The following CTNNA3 variants were observed in gnomAD, a reference collection of about 807,000 sequenced individuals.
The protein encoded by CTNNA3 is catenin alpha-3.
A neutral mutation model predicts 95.7 loss-of-function variants in CTNNA3; 76 were observed. The ratio of observed to expected loss-of-function variants is 0.79; its 90% CI spans 0.66 to 0.96. The LOEUF is 0.96. Ranked by LOEUF, CTNNA3 falls within the 40% of genes least tolerant of loss-of-function variation. The probability of loss-of-function intolerance (pLI) is 0.00; values close to 1 mark genes in which losing one functional copy is unlikely to be tolerated. For missense variants in CTNNA3, 1,191 were observed against 1,089.8 expected, an observed-to-expected ratio of 1.09 and a Z score of -1.31; for synonymous variants, 431 against 374.4, an observed-to-expected ratio of 1.15 and a Z score of -1.74.
chr10:66,546,250 T>C (rs1340387147), intron 10 of CTNNA3, among the ~76,000 whole-genome samples: 1 of 152,148 alleles, frequency 6.6e-6, no homozygotes, highest in Non-Finnish European at 1.5e-5. Flanking sequence ...CCACATGGAA[T>C]TGGTTTACAT....
chr10:66,642,311 C>A (rs1479699675), intron 9 of CTNNA3, among the ~76,000 whole-genome samples: 2 of 147,312 alleles, frequency 1.4e-5, no homozygotes, highest in Non-Finnish European at 3.0e-5. Context: ...CACACAAAAC[C>A]TGATATCAAA....
chr10:66,814,392 G>T (rs905039212), intron 7 of CTNNA3, among the ~76,000 whole-genome samples: 1 of 152,046 alleles, frequency 6.6e-6, no homozygotes, highest in Non-Finnish European at 1.5e-5. Flanking sequence ...TCATTTAGGG[G>T]TCAAGCCTAT....
chr10:66,985,172 A>T (rs1850659017), intron 7 of CTNNA3, among the ~76,000 whole-genome samples: 1 of 152,176 alleles, frequency 6.6e-6, no homozygotes, highest in African/African-American at 2.4e-5. Context: ...TACCACCTTT[A>T]TCAGTCATGG....
chr10:67,456,162 T>C (rs1393715087), intron 5 of CTNNA3, among the ~76,000 whole-genome samples: 1 of 152,124 alleles, frequency 6.6e-6, no homozygotes, highest in Admixed American at 6.6e-5. Context: ...CCTAAACTAA[T>C]CCAGATTTTT....
intron 13 of CTNNA3, among the ~76,000 whole-genome samples, chr10:66,231,502 T>A (rs1378350777): frequency 6.6e-6 from 1 of 151,960 alleles, no homozygotes; most frequent in Non-Finnish European, 1.5e-5. Context: ...AATATGGAGG[T>A]TTAAGATTGT....
chr10:67,073,919 A>G (rs1856595281), intron 7 of CTNNA3, among the ~76,000 whole-genome samples: 1 of 152,358 alleles, frequency 6.6e-6, no homozygotes, highest in African/African-American at 2.4e-5. Context: ...CTTTTGACCA[A>G]TAACAAAATG....
chr10:67,132,674 G>T (rs1189513944), intron 7 of CTNNA3, among the ~76,000 whole-genome samples: 3 of 151,960 alleles, frequency 2.0e-5, no homozygotes, highest in Non-Finnish European at 4.4e-5. Flanking sequence ...CAACCTAAGT[G>T]TCCATCAACA....
At chr10:66,025,748 A>G (rs1402331608) in intron 15 of CTNNA3, among the ~76,000 whole-genome samples, 1 of 152,204 alleles carries the variant, frequency 6.6e-6, no homozygotes, top group Non-Finnish European at 1.5e-5. Context: ...AATGAGATAT[A>G]TCAAGCCCTA....
chr10:66,840,463 C>T (rs7918698), intron 7 of CTNNA3, among the ~76,000 whole-genome samples: 54,051 of 149,826 alleles, frequency 0.36, 10,680 homozygotes, highest in Non-Finnish European at 0.46. Flanking sequence ...ACACCCTTTG[C>T]AAACCTGTAT....
intron 1 of CTNNA3, among the ~76,000 whole-genome samples, chr10:67,671,962 T>A (rs1436596095): frequency 6.6e-6 from 1 of 152,032 alleles, no homozygotes; most frequent in East Asian, 2.0e-4. Flanking sequence ...TTGAACTAGT[T>A]TACAGTCCCA....
In CTNNA3 at chr10:66,619,416, G is replaced by A. The variant is rs867250646; in HGVS notation, c.1374+2276C>T. Among the ~76,000 whole-genome samples the A allele has an allele frequency of 2.6e-3, 336 of 127,838 alleles. 28 individuals carry two copies. The highest frequency in any genetic ancestry group is 8.5e-3 in the African/African-American group (322 of 38,060). 83.9% of individuals were successfully genotyped at this position (127,838 alleles called of 152,430 possible). ...ATGAGTTCATGTCCTTTGTAGGGAC[G>A]TGGATGAAGCTGGAAACCATCATTC... On this transcript the variant is annotated intron_variant, in intron 10 of 17. Coordinates refer to ENST00000433211, the MANE Select transcript of CTNNA3 (RefSeq NM_013266.4).
chr10:66,992,985 T>C (rs1466622905), intron 7 of CTNNA3, among the ~76,000 whole-genome samples: 1 of 152,156 alleles, frequency 6.6e-6, no homozygotes, highest in Non-Finnish European at 1.5e-5. Context: ...CAGTTATTTA[T>C]TGCTGCAAAA....
At chr10:66,948,533 T>C (rs10762121) in intron 7 of CTNNA3, among the ~76,000 whole-genome samples, 112,712 of 152,044 alleles carry the variant, frequency 0.74, 42,474 homozygotes, top group South Asian at 0.83. Context: ...AAGATCTACT[T>C]GGGAAGATTT....
At chr10:66,262,279 C>T (rs778797595) in intron 13 of CTNNA3, among the ~76,000 whole-genome samples, 37 of 152,020 alleles carry the variant, frequency 2.4e-4, no homozygotes, top group Non-Finnish European at 3.8e-4. Flanking sequence ...TATGATGCAA[C>T]TTTTACAGCA....
chr10:66,574,327 AT>A (rs1842946076), intron 10 of CTNNA3, among the ~76,000 whole-genome samples: 1 of 152,144 alleles, frequency 6.6e-6, no homozygotes, highest in African/African-American at 2.4e-5. Context: ...TTGTTCAATT[AT>A]CACCGAAAAA....
intron 1 of CTNNA3, among the ~76,000 whole-genome samples, chr10:67,709,632 A>G (rs930134289): frequency 6.8e-6 from 1 of 147,836 alleles, no homozygotes; most frequent in Admixed American, 6.8e-5. Flanking sequence ...TCCATATCTG[A>G]TCTCCCTTGA....
chr10:67,110,814 T>G (rs1414631572), intron 7 of CTNNA3, among the ~76,000 whole-genome samples: 21 of 152,128 alleles, frequency 1.4e-4, no homozygotes, highest in Admixed American at 1.4e-3. Context: ...AAATATCTGT[T>G]ATAATTTTTA....
intron 7 of CTNNA3, among the ~76,000 whole-genome samples, chr10:66,937,487 T>C (rs1256603467): frequency 6.6e-6 from 1 of 152,192 alleles, no homozygotes; most frequent in Non-Finnish European, 1.5e-5. Flanking sequence ...AGTACCACAA[T>C]GCGCTTTGAA....
intron 1 of CTNNA3, among the ~76,000 whole-genome samples, chr10:67,714,675 C>T (rs1841132246): frequency 6.6e-6 from 1 of 152,158 alleles, no homozygotes; most frequent in Non-Finnish European, 1.5e-5. Flanking sequence ...AATGTGAGGA[C>T]ATGAGGTTTG....
Sources: allele counts gnomAD v4.1 joint callset (sites outside exome capture counted in the v4.1 genomes callset), GRCh38; gene constraint gnomAD v4.1.1; transcripts MANE v1.5; gene names NCBI Gene and HGNC (gene_info 2026-07-23, HGNC 2026-07-21).